Variants in HIVEP3 observed in about 807,000 individuals in gnomAD.
The protein encoded by HIVEP3 is transcription factor HIVEP3.
A neutral mutation model predicts 152.8 loss-of-function variants in HIVEP3; 49 were observed. The observed-to-expected ratio is 0.32, with a 90% CI of 0.26 to 0.41. The LOEUF (loss-of-function observed/expected upper bound fraction) is 0.41. HIVEP3 is among the 10% of genes least tolerant of loss of function. HIVEP3 has a pLI of 1.00. For missense variants in HIVEP3, 2,790 were observed against 3,103.3 expected (o/e 0.90, Z 2.40); for synonymous variants, 1,269 against 1,289.0 (o/e 0.98, Z 0.33).
chr1:41,782,534 C>G (rs969249714), intron 1 of HIVEP3, among the ~76,000 whole-genome samples: 3 of 152,118 alleles, frequency 2.0e-5, no homozygotes, highest in African/African-American at 7.2e-5. Context: ...GAGTTCAAGA[C>G]AAGCCTGGCC....
intron 6 of HIVEP3, among the ~76,000 whole-genome samples, chr1:41,521,203 T>G (rs10890087): frequency 0.69 from 104,499 of 152,014 alleles, 36,472 homozygotes; most frequent in African/African-American, 0.82. Flanking sequence ...ACAAGTAGAG[T>G]GGCAGCAGAG....
chr1:41,730,260 C>A (rs549649463), intron 1 of HIVEP3, among the ~76,000 whole-genome samples: 1 of 152,244 alleles, frequency 6.6e-6, no homozygotes, highest in Non-Finnish European at 1.5e-5. Flanking sequence ...GAACCAGGAA[C>A]CTGGGCCTCT....
chr1:41,839,777 C>G (rs984400522), intron 1 of HIVEP3, among the ~76,000 whole-genome samples: 1 of 152,210 alleles, frequency 6.6e-6, no homozygotes, highest in Non-Finnish European at 1.5e-5. Context: ...AGGAGGGAAA[C>G]AGAGTAACGG....
chr1:41,864,970 G>A (rs1271086572), intron 1 of HIVEP3, among the ~76,000 whole-genome samples: 2 of 152,170 alleles, frequency 1.3e-5, no homozygotes, highest in African/African-American at 4.8e-5. Flanking sequence ...AGATTAATGA[G>A]AGCACTGTGC....
intron 1 of HIVEP3, among the ~76,000 whole-genome samples, chr1:41,727,692 G>C (rs1646777431): frequency 6.6e-6 from 1 of 152,178 alleles, no homozygotes; most frequent in Non-Finnish European, 1.5e-5. Flanking sequence ...CGTCACTTTG[G>C]GCCAGAGGCA....
chr1:42,003,486 C>T (rs1645440283), intron 1 of HIVEP3, among the ~76,000 whole-genome samples: 1 of 152,200 alleles, frequency 6.6e-6, no homozygotes, highest in Non-Finnish European at 1.5e-5. Flanking sequence ...CTTTACTCAG[C>T]AAAGAGGTCC....
intron 1 of HIVEP3, among the ~76,000 whole-genome samples, chr1:42,014,300 AAAG>A (rs1400843957): frequency 2.0e-5 from 3 of 152,074 alleles, no homozygotes; most frequent in East Asian, 3.9e-4. Flanking sequence ...CATCACAGAG[AAAG>A]AAGGGACCAA....
chr1:41,956,259 A>C (rs1645139832), intron 1 of HIVEP3, among the ~76,000 whole-genome samples: 1 of 152,250 alleles, frequency 6.6e-6, no homozygotes. Context: ...AGAGAAACTA[A>C]GGAACATAAG....
At chr1:41,525,479 G>A (rs1642874742) in intron 5 of HIVEP3, among the ~76,000 whole-genome samples, 1 of 152,162 alleles carries the variant, frequency 6.6e-6, no homozygotes, top group Admixed American at 6.5e-5. Context: ...CTTTGAACCT[G>A]CCTGCCCCAA....
At chr1:41,649,715 G>A (rs1299997923) in intron 2 of HIVEP3, among the ~76,000 whole-genome samples, 1 of 152,164 alleles carries the variant, frequency 6.6e-6, no homozygotes, top group African/African-American at 2.4e-5. Context: ...ATCAAATGCG[G>A]GGAGGGGTGC....
At chr1:41,903,673 A>G (rs995287308) in intron 1 of HIVEP3, among the ~76,000 whole-genome samples, 1 of 152,160 alleles carries the variant, frequency 6.6e-6, no homozygotes, top group Non-Finnish European at 1.5e-5. Context: ...CTGAACCAAG[A>G]GTTGATGGGC....
chr1:41,870,038 G>A (rs1422160430), intron 1 of HIVEP3, among the ~76,000 whole-genome samples: 1 of 152,168 alleles, frequency 6.6e-6, no homozygotes, highest in Non-Finnish European at 1.5e-5. Context: ...AGCAGAATGT[G>A]AGTGCGTCTG....
chr1:41,824,778 T>TAG (rs1642730594), intron 1 of HIVEP3, among the ~76,000 whole-genome samples: 7 of 12,764 alleles, frequency 5.5e-4, no homozygotes, highest in Admixed American at 9.9e-4. Flanking sequence ...TATATATATA[T>TAG]ATATATAGAG....
intron 3 of HIVEP3, among the ~76,000 whole-genome samples, chr1:41,593,049 G>T (rs1644611169): frequency 6.6e-6 from 1 of 152,118 alleles, no homozygotes; most frequent in African/African-American, 2.4e-5. Flanking sequence ...TTTGGGCTTG[G>T]GTTCCTACCC....
At chr1:41,725,553 G>T (rs1309714302) in intron 1 of HIVEP3, among the ~76,000 whole-genome samples, 2 of 152,212 alleles carry the variant, frequency 1.3e-5, no homozygotes, top group Non-Finnish European at 1.5e-5. Flanking sequence ...CTCGCTCCAA[G>T]ATGAATGGGC....
intron 2 of HIVEP3, among the ~76,000 whole-genome samples, chr1:41,635,489 TACAC>T (rs56335707): frequency 8.8e-5 from 13 of 147,382 alleles, no homozygotes; most frequent in Non-Finnish European, 1.5e-4. Flanking sequence ...TATATATATA[TACAC>T]ACACATATAT....
intron 1 of HIVEP3, among the ~76,000 whole-genome samples, chr1:41,870,289 A>G (rs1174749236): frequency 6.6e-6 from 1 of 152,198 alleles, no homozygotes; most frequent in Non-Finnish European, 1.5e-5. Flanking sequence ...TCACTCATTC[A>G]CTGAGTCATC....
intron 1 of HIVEP3, among the ~76,000 whole-genome samples, chr1:42,018,752 A>T (rs1364625531): frequency 6.6e-6 from 1 of 152,080 alleles, no homozygotes; most frequent in Non-Finnish European, 1.5e-5. Context: ...ATCAGCCCAT[A>T]GACAGCATCA....
At position 41,545,039 on chromosome 1, in the gene HIVEP3, TAC is replaced by T. The variant is rs1643701659; in HGVS notation, c.5208-20131_5208-20130del. On this transcript the variant is annotated intron_variant, in intron 5 of 8. Transcript: ENST00000372583. The stretch of plus-strand genomic sequence containing the variant: ...CCACTACCACCACCACCACCACCAA[TAC>T]CACTACCACCACCATCACTACCACC... Among the ~76,000 whole-genome samples the T allele has an allele frequency of 2.9e-3, 52 of 17,858 alleles. 3 individuals carry two copies. Among genetic ancestry groups the T allele is most frequent in the Non-Finnish European group, 4.5e-3 (35 of 7,760 alleles). The allele number at this position is 17,858 out of a possible 152,430, so 11.7% of individuals were successfully genotyped here.
Sources: gnomAD v4.1 joint callset for allele counts (sites outside exome capture counted in the v4.1 genomes callset) on GRCh38, gnomAD v4.1.1 for gene constraint, MANE v1.5 for transcripts, NCBI Gene and HGNC (gene_info 2026-07-23, HGNC 2026-07-21) for gene names.